WDR88: variants seen among roughly 807,000 people sequenced by gnomAD.
The protein encoded by WDR88 is WD repeat domain 88, also known as WD repeat-containing protein 88.
A neutral mutation model predicts 46.8 loss-of-function variants in WDR88; 40 were observed. The observed-to-expected ratio is 0.86, with a 90% CI of 0.66 to 1.11. The LOEUF is 1.11. Among genes scored for constraint, WDR88 ranks in the 50% most tolerant of loss-of-function variants. The probability of loss-of-function intolerance (pLI) is 0.00; values close to 1 mark genes in which losing one functional copy is unlikely to be tolerated. For missense variants in WDR88, 562 were observed against 602.4 expected (o/e 0.93, Z 0.70); for synonymous variants, 235 against 240.7 (o/e 0.98, Z 0.22).
chr19:33,156,676 C>A, intron 7 of WDR88, 134 bp downstream of exon 7: 5 of 1,042,648 alleles, frequency 4.8e-6, no homozygotes, highest in East Asian at 2.6e-5. Flanking sequence ...CCCACGAGAA[C>A]AAAAAACCCA....
At chr19:33,173,712 A>G (rs1974077916) in intron 10 of WDR88, among the ~76,000 whole-genome samples, 1 of 152,236 alleles carries the variant, frequency 6.6e-6, no homozygotes, top group African/African-American at 2.4e-5. Context: ...GCTACAGAGC[A>G]GTGATGGCCC....
At chr19:33,154,836 G>A (rs768006313) in intron 6 of WDR88, among the ~76,000 whole-genome samples, 6 of 152,118 alleles carry the variant, frequency 3.9e-5, no homozygotes, top group South Asian at 2.1e-4. Context: ...GGTTTATCCC[G>A]GATGGCCCTG....
intron 7 of WDR88, 125 bp downstream of exon 7, chr19:33,156,667 C>G (rs1415951172): frequency 8.7e-7 from 1 of 1,149,564 alleles, no homozygotes; most frequent in African/African-American, 1.6e-5. Context: ...GGATTCTTCC[C>G]CACGAGAACA....
chr19:33,138,926 C>T (rs962429753), intron 2 of WDR88, among the ~76,000 whole-genome samples: 1 of 152,066 alleles, frequency 6.6e-6, no homozygotes, highest in African/African-American at 2.4e-5. Context: ...AAGTGATCTA[C>T]CTGCTTCGGC....
chr19:33,175,343 G>A (rs1263495953), intron 10 of WDR88, 53 bp from the exon 11 acceptor site: 3 of 1,572,536 alleles, frequency 1.9e-6, no homozygotes, highest in Non-Finnish European at 1.7e-6. Flanking sequence ...GGCATGCCTG[G>A]ATCACCTCTG....
chr19:33,154,019 T>A (rs770497685), intron 6 of WDR88, among the ~76,000 whole-genome samples: 17 of 152,100 alleles, frequency 1.1e-4, no homozygotes, highest in Non-Finnish European at 2.1e-4. Context: ...TTCAGCCATT[T>A]AAAAAAATTA....
At position 33,141,227 on chromosome 19, in the gene WDR88, G is replaced by GTTTTTTTTTTTTTT. The variant is rs745987290; in HGVS notation, c.387+3453_387+3454insTTTTTTTTTTTTTT. On this transcript the variant is annotated intron_variant, in intron 2 of 10. Coordinates refer to ENST00000355868, the MANE Select transcript of WDR88 (RefSeq NM_173479.4). ...GCTGGGATTACAGGTGTGGGAGCATGTTTTTTTTTTTTTCTTTTTTGACAC... is the reference window on the plus strand; with the variant it reads ...GCTGGGATTACAGGTGTGGGAGCATGTTTTTTTTTTTTTTTTTTTTTTTTTTTCTTTTTTGACAC... 2.6e-4 allele frequency among the ~76,000 whole-genome samples: 30 copies of GTTTTTTTTTTTTTT among 113,392 alleles called. 8 individuals carry two copies. The highest frequency in any genetic ancestry group is 8.6e-4 in the African/African-American group (21 of 24,454). 74.4% of individuals were successfully genotyped at this position (113,392 alleles called of 152,430 possible). A position where few individuals can be genotyped will look rare whatever the true frequency, so the allele number is the denominator to read the frequency against.
In WDR88 at chr19:33,175,252, C is replaced by A. The variant is rs201940769; in HGVS notation, c.1243-144C>A. On this transcript the variant is annotated intron_variant, in intron 10 of 10. Coordinates refer to ENST00000355868, the MANE Select transcript of WDR88 (RefSeq NM_173479.4). ...TCTGTCTCAAAAACAAAAACAAAAA[C>A]AAACAAACAAACCAAAAAGAGATTC... is the stretch of plus-strand genomic sequence containing the variant. 5 of 750,462 alleles carry A rather than the reference C, an allele frequency of 6.7e-6. No homozygotes were observed. In the African/African-American group the frequency reaches 1.3e-4, roughly 19 times the overall value. 46.5% of individuals were successfully genotyped at this position (750,462 alleles called of 1,614,324 possible).
intron 3 of WDR88, among the ~76,000 whole-genome samples, chr19:33,145,535 T>C (rs534330696): frequency 9.0e-4 from 98 of 108,316 alleles, no homozygotes; most frequent in African/African-American, 3.3e-3. Flanking sequence ...GGAATTTATC[T>C]TTTTTTTTTT....
In WDR88 at chr19:33,155,750, C is replaced by G. The variant is rs76309150; in HGVS notation, c.810-605C>G. On this transcript the variant is annotated intron_variant, in intron 6 of 10. Coordinates refer to ENST00000355868, the MANE Select transcript of WDR88 (RefSeq NM_173479.4). ...CGCCAAGGGAATACTGCAGAATCTT[C>G]CCAAATGAGGGCAATTTGTGCCCCA... is the stretch of plus-strand genomic sequence containing the variant. Among the ~76,000 whole-genome samples, 1,356 of 152,326 alleles carry G rather than the reference C, an allele frequency of 8.9e-3. 21 individuals are homozygous for G. The highest frequency in any genetic ancestry group is 0.03 in the African/African-American group (1,249 of 41,570).
At chr19:33,139,797 T>C (rs1286939762) in intron 2 of WDR88, among the ~76,000 whole-genome samples, 2 of 151,954 alleles carry the variant, frequency 1.3e-5, no homozygotes, top group African/African-American at 2.4e-5. Context: ...GAAATGGAAA[T>C]GGGAGAAAAT....
chr19:33,148,656 C>G, intron 4 of WDR88, 116 bp from the exon 5 acceptor site: 1 of 1,282,802 alleles, frequency 7.8e-7, no homozygotes, highest in Non-Finnish European at 1.1e-6. Flanking sequence ...CCAGGCTAGT[C>G]TCAGGCTCCT....
At chr19:33,140,737 C>G (rs1382623092) in intron 2 of WDR88, among the ~76,000 whole-genome samples, 4 of 151,806 alleles carry the variant, frequency 2.6e-5, no homozygotes. Context: ...TTGCAGTGAG[C>G]CGAGATCGCA....
chr19:33,135,064 G>T lies in WDR88; in HGVS notation c.277-2613G>T, dbSNP rs568873851. Among the ~76,000 whole-genome samples, 856 of 150,868 alleles carry T rather than the reference G, an allele frequency of 5.7e-3. 7 individuals are homozygous for T. Among genetic ancestry groups the T allele is most frequent in the Middle Eastern group, 0.01 (3 of 292 alleles). On this transcript the variant is annotated intron_variant, in intron 1 of 10. Coordinates refer to ENST00000355868, the MANE Select transcript of WDR88 (RefSeq NM_173479.4). ...GAGCTGGGGTGGGTGGGTGGGGGGG[G>T]TGACATCTTCAGGCTTCCCTGCTCT...
At chr19:33,137,877 C>T (rs1252318692) in intron 2 of WDR88, 90 bp downstream of exon 2, 2 of 1,096,448 alleles carry the variant, frequency 1.8e-6, no homozygotes, top group East Asian at 2.5e-5. Flanking sequence ...ACTGAACTCA[C>T]AGGCACTTGT....
chr19:33,143,862 T>G (rs1973453832), intron 2 of WDR88, among the ~76,000 whole-genome samples: 4 of 152,156 alleles, frequency 2.6e-5, no homozygotes. Flanking sequence ...AATACTGATA[T>G]GTACTCACCA....
chr19:33,173,995 C>T (rs145657474), intron 10 of WDR88, among the ~76,000 whole-genome samples: 7,001 of 152,134 alleles, frequency 0.046, 237 homozygotes, highest in Non-Finnish European at 0.071. Context: ...GGACTACAGG[C>T]GCCCACCACT....
chr19:33,164,342 A>T (rs929429477), intron 9 of WDR88, 77 bp downstream of exon 9: 49 of 1,427,754 alleles, frequency 3.4e-5, no homozygotes, highest in Non-Finnish European at 3.0e-6. Context: ...GCCAAGTATA[A>T]AATTCCTGGG....
intron 9 of WDR88, among the ~76,000 whole-genome samples, chr19:33,166,659 C>G (rs1319681169): frequency 6.6e-6 from 1 of 151,872 alleles, no homozygotes; most frequent in Non-Finnish European, 1.5e-5. Context: ...TGCCTGTAAT[C>G]CTAGCACTTT....
Sources: gnomAD v4.1 joint callset for allele counts (sites outside exome capture counted in the v4.1 genomes callset) on GRCh38, gnomAD v4.1.1 for gene constraint, MANE v1.5 for transcripts, NCBI Gene and HGNC (gene_info 2026-07-23, HGNC 2026-07-21) for gene names.